RALGPS1: variants seen among roughly 807,000 people sequenced by gnomAD.
RALGPS1 encodes the protein ras-specific guanine nucleotide-releasing factor RalGPS1.
In RALGPS1, 19 loss-of-function variants were observed where a neutral mutation model predicts 78.8. That is an observed-to-expected ratio of 0.24 (90% CI 0.17 to 0.35). The LOEUF (loss-of-function observed/expected upper bound fraction) is 0.35. Ranked by LOEUF, RALGPS1 falls within the 10% of genes least tolerant of loss-of-function variation. The pLI is 1.00. For synonymous variants in RALGPS1, 228 were observed against 256.3 expected (o/e 0.89, Z 1.06); for missense variants, 454 against 688.3 (o/e 0.66, Z 3.81).
intron 4 of RALGPS1, among the ~76,000 whole-genome samples, chr9:127,021,167 T>G (rs2045401415): frequency 6.6e-6 from 1 of 152,100 alleles, no homozygotes; most frequent in Non-Finnish European, 1.5e-5. Flanking sequence ...GCAGGAGGAT[T>G]GCTTGAGCCC....
At chr9:127,165,643 A>G (rs761898878) in intron 8 of RALGPS1, among the ~76,000 whole-genome samples, 7 of 152,180 alleles carry the variant, frequency 4.6e-5, no homozygotes, top group Non-Finnish European at 1.0e-4. Context: ...GAACAGATAG[A>G]CAAATAGACA....
In RALGPS1 at chr9:127,183,524, C is replaced by G. The variant is rs1468674124; in HGVS notation, c.910+8742C>G. On this transcript the variant is annotated intron_variant, in intron 11 of 18. Coordinates refer to ENST00000259351, the MANE Select transcript of RALGPS1 (RefSeq NM_014636.3). This position sits in a 1 kb window ranked among gnomAD's most constrained non-coding sequence, Gnocchi z 4.0. ...TAACAGACCTGTGAGCACAACAGACCTGCCTGTGGCCACCGCTGTCTTCTG... is the reference window on the plus strand; with the variant it reads ...TAACAGACCTGTGAGCACAACAGACGTGCCTGTGGCCACCGCTGTCTTCTG... Among the ~76,000 whole-genome samples, 1 of 152,182 alleles carries G rather than the reference C, an allele frequency of 6.6e-6. No homozygotes were observed. The highest frequency in any genetic ancestry group is 1.5e-5 in the Non-Finnish European group (1 of 68,040).
intron 4 of RALGPS1, among the ~76,000 whole-genome samples, chr9:126,995,677 A>G (rs367782564): frequency 6.6e-6 from 1 of 151,914 alleles, no homozygotes; most frequent in Non-Finnish European, 1.5e-5. Flanking sequence ...TGCACCAAGC[A>G]GACCTAATAG....
At chr9:126,976,383 G>A (rs2040640770) in intron 3 of RALGPS1, among the ~76,000 whole-genome samples, 1 of 138,158 alleles carries the variant, frequency 7.2e-6, no homozygotes, top group Admixed American at 7.5e-5. Context: ...ACACTTATAC[G>A]CTTACACTCA....
At chr9:127,136,738 C>T (rs1489709604) in intron 8 of RALGPS1, among the ~76,000 whole-genome samples, 1 of 152,104 alleles carries the variant, frequency 6.6e-6, no homozygotes, top group African/African-American at 2.4e-5. Context: ...TCACGCAGGA[C>T]CTGGTGCATA....
chr9:127,207,332 G>A (rs1378777814), intron 14 of RALGPS1, among the ~76,000 whole-genome samples: 1 of 152,114 alleles, frequency 6.6e-6, no homozygotes, highest in Non-Finnish European at 1.5e-5. Flanking sequence ...GTCTGGGCAA[G>A]CCTCAATTGC....
Position 127,213,020 on chromosome 9 carries a change from A to G in RALGPS1, c.1523A>G (p.Asp508Gly). The G allele has an allele frequency of 1.2e-6, 2 of 1,614,208 alleles. No individual in the cohort carries two copies. The highest frequency in any genetic ancestry group is 1.7e-6 in the Non-Finnish European group (2 of 1,180,044). The change falls in exon 17 of 19, where the codon GAT (aspartate) becomes GGT (glycine). Residue 508 changes from aspartate (D) to glycine (G), a missense_variant. Physicochemically the swap from Asp to Gly is moderately conservative, Grantham distance 94. Transcript: ENST00000259351. ...VQLPDDPEHP[D>G]IFQLNNPDKG... ...CTGCCCGATGACCCCGAGCACCCAG[A>G]TATCTTCCAGCTGAACAACCCTGAC... is the stretch of plus-strand genomic sequence containing the variant.
chr9:127,059,645 CT>C (rs1015049282), intron 7 of RALGPS1, among the ~76,000 whole-genome samples: 2 of 152,054 alleles, frequency 1.3e-5, no homozygotes, highest in African/African-American at 2.4e-5. Context: ...CAAGTGTCAC[CT>C]CCTGTACCCC....
At position 127,106,079 on chromosome 9, in the gene RALGPS1, T is replaced by C. The variant is rs574869581; in HGVS notation, c.610+36723T>C. On this transcript the variant is annotated intron_variant, in intron 8 of 18. Coordinates refer to ENST00000259351, the MANE Select transcript of RALGPS1 (RefSeq NM_014636.3). Reference sequence around the variant, plus strand: ...AGAGCATGGATGCAAACCCAGGTCTTATTCCTATACTATGTATCTGCCAGC... The same window carrying C: ...AGAGCATGGATGCAAACCCAGGTCTCATTCCTATACTATGTATCTGCCAGC... 2.8e-4 allele frequency among the ~76,000 whole-genome samples: 42 copies of C among 152,350 alleles called. 1 individual carries two copies. The South Asian group carries it at 8.7e-3, about 32-fold the overall frequency.
At chr9:127,065,062 C>T (rs2049569436) in intron 7 of RALGPS1, among the ~76,000 whole-genome samples, 1 of 151,980 alleles carries the variant, frequency 6.6e-6, no homozygotes. Context: ...GCCACAGCCT[C>T]CTGAATAGCT....
intron 4 of RALGPS1, chr9:126,990,318 T>C (rs113437995): frequency 3.8e-5 from 10 of 263,948 alleles, no homozygotes; most frequent in African/African-American, 2.2e-4. Flanking sequence ...AGCAGCCTTT[T>C]CATGTCTCCT....
chr9:127,161,683 A>G (rs940017662), intron 8 of RALGPS1, among the ~76,000 whole-genome samples: 1 of 152,156 alleles, frequency 6.6e-6, no homozygotes, highest in Non-Finnish European at 1.5e-5. Flanking sequence ...TGTTGACCCC[A>G]TAGGGGAAAT....
intron 4 of RALGPS1, among the ~76,000 whole-genome samples, chr9:127,019,470 G>A (rs1420192201): frequency 6.6e-6 from 1 of 152,046 alleles, no homozygotes; most frequent in Non-Finnish European, 1.5e-5. Context: ...TGTGACTACA[G>A]GTGCCCGCCA....
At chr9:126,989,779 C>T in intron 4 of RALGPS1, 3 of 1,411,684 alleles carry the variant, frequency 2.1e-6, no homozygotes, top group South Asian at 1.5e-5. Flanking sequence ...ATACATATTC[C>T]TGTGGGACAC....
intron 4 of RALGPS1, among the ~76,000 whole-genome samples, chr9:127,005,366 C>G (rs2043739503): frequency 6.6e-6 from 1 of 152,376 alleles, no homozygotes; most frequent in South Asian, 2.1e-4. Context: ...TCAAGGCTGT[C>G]TGTGCACAGA....
chr9:127,050,291 A>C (rs1485839194), intron 6 of RALGPS1, among the ~76,000 whole-genome samples, 159 bp downstream of exon 6: 1 of 152,150 alleles, frequency 6.6e-6, no homozygotes. Context: ...AGGCAGAGCC[A>C]GCTGTTAGAC....
intron 7 of RALGPS1, among the ~76,000 whole-genome samples, chr9:127,060,841 G>T (rs1402778059): frequency 6.6e-6 from 1 of 152,212 alleles, no homozygotes; most frequent in East Asian, 1.9e-4. Context: ...GAGCAGCATT[G>T]TGCTCAGATA....
chr9:127,060,812 G>C (rs752500057), intron 7 of RALGPS1, among the ~76,000 whole-genome samples: 12 of 152,220 alleles, frequency 7.9e-5, no homozygotes, highest in Non-Finnish European at 8.8e-5. Context: ...GATGGGGGCT[G>C]TGTGCCATCG....
chr9:127,021,720 T>C (rs183521583), intron 4 of RALGPS1, among the ~76,000 whole-genome samples: 25 of 151,700 alleles, frequency 1.6e-4, no homozygotes, highest in African/African-American at 6.0e-4. Flanking sequence ...TGAACATAAT[T>C]CCCAGTGTAA....
Sources: allele counts gnomAD v4.1 joint callset (sites outside exome capture counted in the v4.1 genomes callset), GRCh38; gene constraint gnomAD v4.1.1; non-coding constraint Gnocchi (gnomAD v3.1); transcripts MANE v1.5; gene names NCBI Gene and HGNC (gene_info 2026-07-23, HGNC 2026-07-21).